The following HHAT variants were observed in gnomAD, a reference collection of about 807,000 sequenced individuals.
HHAT encodes protein-cysteine N-palmitoyltransferase HHAT.
In HHAT, 47 loss-of-function variants were observed where a neutral mutation model predicts 70.8. The ratio of observed to expected loss-of-function variants is 0.66; its 90% CI spans 0.53 to 0.85. The LOEUF is 0.85. Ranked by LOEUF, HHAT falls within the 40% of genes least tolerant of loss-of-function variation. The pLI is 0.00. For missense variants in HHAT, 609 were observed against 604.8 expected, an observed-to-expected ratio of 1.01 and a Z score of -0.07; for synonymous variants, 228 against 247.6, an observed-to-expected ratio of 0.92 and a Z score of 0.74.
At chr1:210,549,707 T>C (rs577469163) in intron 9 of HHAT, among the ~76,000 whole-genome samples, 8 of 148,520 alleles carry the variant, frequency 5.4e-5, no homozygotes, top group African/African-American at 2.0e-4. Flanking sequence ...AGGATAAAAA[T>C]AAAGAAGCTG....
intron 9 of HHAT, among the ~76,000 whole-genome samples, chr1:210,565,064 T>C (rs575097024): frequency 6.6e-6 from 1 of 151,904 alleles, no homozygotes; most frequent in Non-Finnish European, 1.5e-5. Flanking sequence ...ATACTGGAGA[T>C]GGGAGGTGGG....
intron 10 of HHAT, among the ~76,000 whole-genome samples, chr1:210,607,818 G>A (rs1665803228): frequency 6.6e-6 from 1 of 151,880 alleles, no homozygotes; most frequent in South Asian, 2.1e-4. Flanking sequence ...AGAGAGATGA[G>A]GCTGAAAGTC....
At chr1:210,477,120 G>A (rs17016283) in intron 8 of HHAT, among the ~76,000 whole-genome samples, 13,251 of 152,204 alleles carry the variant, frequency 0.087, 650 homozygotes, top group Middle Eastern at 0.1. Context: ...TGAAGAGACA[G>A]GTGACAACAA....
At chr1:210,634,509 A>G (rs1671492089) in intron 11 of HHAT, among the ~76,000 whole-genome samples, 1 of 152,156 alleles carries the variant, frequency 6.6e-6, no homozygotes, top group Non-Finnish European at 1.5e-5. Flanking sequence ...ATACCAGACA[A>G]CATAATGGCA....
intron 6 of HHAT, among the ~76,000 whole-genome samples, chr1:210,410,522 A>AATT (rs2092505013): frequency 3.3e-5 from 3 of 92,152 alleles, no homozygotes; most frequent in Non-Finnish European, 6.9e-5. Flanking sequence ...TTTATTTGTA[A>AATT]ATTTTTTTTT....
At chr1:210,496,641 A>G (rs2094649145) in intron 8 of HHAT, among the ~76,000 whole-genome samples, 1 of 152,204 alleles carries the variant, frequency 6.6e-6, no homozygotes, top group Non-Finnish European at 1.5e-5. Context: ...ACTGCTGTAC[A>G]GTGTCTAATA....
At chr1:210,407,489 T>A (rs962335116) in intron 6 of HHAT, among the ~76,000 whole-genome samples, 1 of 152,112 alleles carries the variant, frequency 6.6e-6, no homozygotes, top group Non-Finnish European at 1.5e-5. Flanking sequence ...CAAATGACAA[T>A]GTTAGTTTTA....
intron 7 of HHAT, among the ~76,000 whole-genome samples, chr1:210,455,425 C>T (rs1330139800): frequency 6.6e-6 from 1 of 152,106 alleles, no homozygotes; most frequent in African/African-American, 2.4e-5. Context: ...AGAGCTCGTT[C>T]CCTTTGTTTT....
chr1:210,540,845 AT>A lies in HHAT; in HGVS notation c.1043+27668del, dbSNP rs555398828. ...TTTAAATAAAGTATTGCTTTATTTA[AT>A]TTTTTTTTTTGAGACACAGTGTATC... On this transcript the variant is annotated intron_variant, in intron 9 of 11. Transcript: ENST00000261458. Among the ~76,000 whole-genome samples, 192 of 148,350 alleles carry A rather than the reference AT, an allele frequency of 1.3e-3. 1 individual carries two copies. The highest frequency in any genetic ancestry group is 7.0e-3 in the Middle Eastern group (2 of 284).
chr1:210,623,773 G>A, intron 11 of HHAT, 103 bp downstream of exon 11: 3 of 1,242,508 alleles, frequency 2.4e-6, no homozygotes, highest in South Asian at 1.4e-5. Context: ...GTCATTCATT[G>A]TTATGTTCAT....
At position 210,469,129 on chromosome 1, in the gene HHAT, G is replaced by A. The variant is rs2094156493; in HGVS notation, c.1007+4474G>A. On this transcript the variant is annotated intron_variant, in intron 8 of 11. Transcript: ENST00000261458. ...GGTCCTCCTGCTAATGGGCCGGGTA[G>A]GGAGGAAGTGAGCAGTGATGGGACT... 2.0e-5 allele frequency among the ~76,000 whole-genome samples: 3 copies of A among 152,108 alleles called. No homozygotes were observed. The South Asian group carries it at 6.2e-4, about 32-fold the overall frequency.
At chr1:210,392,686 T>C (rs944378990) in intron 4 of HHAT, among the ~76,000 whole-genome samples, 1 of 152,168 alleles carries the variant, frequency 6.6e-6, no homozygotes, top group South Asian at 2.1e-4. Context: ...TCCTCCCACC[T>C]CTGCTTTACA....
At chr1:210,616,365 T>G (rs893678015) in intron 10 of HHAT, among the ~76,000 whole-genome samples, 2 of 151,158 alleles carry the variant, frequency 1.3e-5, no homozygotes, top group Non-Finnish European at 3.0e-5. Flanking sequence ...CAGGGCCTAT[T>G]AATTTTTATG....
intron 11 of HHAT, among the ~76,000 whole-genome samples, chr1:210,671,648 C>A (rs1459797620): frequency 6.6e-6 from 1 of 152,128 alleles, no homozygotes; most frequent in Non-Finnish European, 1.5e-5. Flanking sequence ...CTGCCATAAG[C>A]CAAGGGATCC....
chr1:210,507,018 C>A (rs2094867627), intron 8 of HHAT, among the ~76,000 whole-genome samples: 2 of 152,172 alleles, frequency 1.3e-5, no homozygotes, highest in Non-Finnish European at 2.9e-5. Flanking sequence ...TACTGAATTT[C>A]CAGTATCTAG....
chr1:210,613,517 A>G (rs1667005239), intron 10 of HHAT, among the ~76,000 whole-genome samples: 1 of 152,084 alleles, frequency 6.6e-6, no homozygotes, highest in Non-Finnish European at 1.5e-5. Context: ...AGTTTTGATT[A>G]TTGTAGCTTT....
In HHAT at chr1:210,434,767, G is replaced by C. The variant is rs566463071; in HGVS notation, c.856+16442G>C. ...GAGATGGGAATGAAGAGAAATACTA[G>C]CTAAAATTTACATGTAAATGCATTA... On this transcript the variant is annotated intron_variant, in intron 7 of 11. Transcript: ENST00000261458. Among the ~76,000 whole-genome samples, 25 of 151,706 alleles carry C rather than the reference G, an allele frequency of 1.6e-4. No individual in the cohort carries two copies. The East Asian group carries it at 4.8e-3, about 29-fold the overall frequency.
At chr1:210,509,200 G>A (rs1024644795) in intron 8 of HHAT, among the ~76,000 whole-genome samples, 4 of 152,190 alleles carry the variant, frequency 2.6e-5, no homozygotes, top group Non-Finnish European at 4.4e-5. Flanking sequence ...TTTGGATTTC[G>A]AGCTTTACAG....
At chr1:210,648,349 T>TC (rs1323147526) in intron 11 of HHAT, among the ~76,000 whole-genome samples, 6 of 152,206 alleles carry the variant, frequency 3.9e-5, no homozygotes. Flanking sequence ...GCCTCACTGA[T>TC]CCTCAGAGGC....
Sources: allele counts gnomAD v4.1 joint callset (sites outside exome capture counted in the v4.1 genomes callset), GRCh38; gene constraint gnomAD v4.1.1; transcripts MANE v1.5; gene names NCBI Gene and HGNC (gene_info 2026-07-23, HGNC 2026-07-21).